Variants in ABTB2 observed in about 807,000 individuals in gnomAD.
ABTB2 encodes ankyrin repeat and BTB/POZ domain-containing protein 2.
ABTB2 carries 56 observed loss-of-function variants against 104.1 expected under a neutral mutation model. The observed-to-expected ratio is 0.54, with a 90% CI of 0.43 to 0.67. The LOEUF (loss-of-function observed/expected upper bound fraction) is 0.67, where lower values mean the gene tolerates loss of function less well. Ranked by LOEUF, ABTB2 falls within the 30% of genes least tolerant of loss-of-function variation. The probability of loss-of-function intolerance (pLI) is 0.00; values close to 1 mark genes in which losing one functional copy is unlikely to be tolerated. For missense variants in ABTB2, 1,279 were observed against 1,407.7 expected, an observed-to-expected ratio of 0.91 and a Z score of 1.46; for synonymous variants, 606 against 608.2, an observed-to-expected ratio of 1.00 and a Z score of 0.05.
chr11:34,327,225 G>A (rs572335545), intron 1 of ABTB2, among the ~76,000 whole-genome samples: 51 of 152,316 alleles, frequency 3.3e-4, no homozygotes, highest in African/African-American at 1.2e-3. Flanking sequence ...AAAACATTAC[G>A]CAAACGTATC....
At chr11:34,309,443 T>TAACCTC in intron 1 of ABTB2, among the ~76,000 whole-genome samples, 1 of 152,178 alleles carries the variant, frequency 6.6e-6, no homozygotes, top group Admixed American at 6.5e-5. Flanking sequence ...GGTCAGAGGT[T>TAACCTC]ATATCAAGAT....
intron 1 of ABTB2, among the ~76,000 whole-genome samples, chr11:34,304,820 C>A (rs150891341): frequency 1.3e-5 from 2 of 152,284 alleles, no homozygotes; most frequent in African/African-American, 2.4e-5. Flanking sequence ...GGCTCTTCAC[C>A]ACCCAAAAGC....
chr11:34,155,539 T>C (rs1369112266), intron 14 of ABTB2, among the ~76,000 whole-genome samples: 1 of 152,220 alleles, frequency 6.6e-6, no homozygotes, highest in African/African-American at 2.4e-5. Flanking sequence ...TCTGGCTGGC[T>C]GAAGAAACGG....
intron 1 of ABTB2, among the ~76,000 whole-genome samples, chr11:34,286,565 T>A (rs1854508453): frequency 6.6e-6 from 1 of 152,068 alleles, no homozygotes; most frequent in East Asian, 2.0e-4. Context: ...AGTGCTGGGA[T>A]TACAGGCATG....
At chr11:34,168,040 A>C in intron 5 of ABTB2, 48 bp from the exon 6 acceptor site, 7 of 1,571,708 alleles carry the variant, frequency 4.5e-6, no homozygotes, top group Middle Eastern at 1.7e-4. Flanking sequence ...ACAGAACACA[A>C]CACCATGTGC....
intron 1 of ABTB2, among the ~76,000 whole-genome samples, chr11:34,222,798 C>G (rs1176929393): frequency 6.6e-6 from 1 of 152,160 alleles, no homozygotes; most frequent in Non-Finnish European, 1.5e-5. Context: ...CCTTGCCTCC[C>G]TATGGGAAAA....
chr11:34,300,311 A>G (rs1189322191), intron 1 of ABTB2, among the ~76,000 whole-genome samples: 2 of 152,186 alleles, frequency 1.3e-5, no homozygotes, highest in Non-Finnish European at 2.9e-5. Flanking sequence ...ATCAGAATGA[A>G]ATGTTCTTGC....
At chr11:34,168,892 G>A (rs1852836121) in intron 5 of ABTB2, among the ~76,000 whole-genome samples, 1 of 152,236 alleles carries the variant, frequency 6.6e-6, no homozygotes, top group Non-Finnish European at 1.5e-5. Context: ...TCCACGGCTG[G>A]ATCCCAGCAA....
At chr11:34,184,257 T>C (rs1853066777) in intron 3 of ABTB2, among the ~76,000 whole-genome samples, 1 of 151,972 alleles carries the variant, frequency 6.6e-6, no homozygotes, top group South Asian at 2.1e-4. Context: ...AGGAAATAAT[T>C]CCCCAGTAAA....
intron 1 of ABTB2, among the ~76,000 whole-genome samples, chr11:34,237,514 T>C (rs561358704): frequency 1.2e-4 from 18 of 152,356 alleles, no homozygotes; most frequent in African/African-American, 4.1e-4. Context: ...TTTATGATTA[T>C]GATCAGAATA....
intron 1 of ABTB2, among the ~76,000 whole-genome samples, chr11:34,262,825 C>T (rs980237638): frequency 1.3e-5 from 2 of 152,226 alleles, no homozygotes; most frequent in African/African-American, 4.8e-5. Flanking sequence ...CGATTGTCAC[C>T]TGCAAACCCT....
rs1256757390 is a variant in ABTB2 at position 34,182,503 on chromosome 11, G to A, written c.1245-9196C>T. Reference sequence around the variant, plus strand: ...GGTGGGGCATTGGGTTCTCTGGGGGGGGGGGGAAATTCACTTTTCCTATTA... The same window carrying A: ...GGTGGGGCATTGGGTTCTCTGGGGGAGGGGGGAAATTCACTTTTCCTATTA... On this transcript the variant is annotated intron_variant, in intron 3 of 16. Transcript: ENST00000435224. 4.3e-5 allele frequency among the ~76,000 whole-genome samples: 6 copies of A among 139,772 alleles called. No homozygotes were observed. The East Asian group carries it at 7.9e-4, about 18-fold the overall frequency. The allele number at this position is 139,772 out of a possible 152,430, so 91.7% of individuals were successfully genotyped here.
intron 1 of ABTB2, among the ~76,000 whole-genome samples, chr11:34,253,965 C>T (rs748450512): frequency 1.8e-4 from 28 of 152,148 alleles, no homozygotes; most frequent in Non-Finnish European, 3.4e-4. Flanking sequence ...CCAGGTGGAC[C>T]GTGAGAGCAC....
intron 9 of ABTB2, 142 bp from the exon 10 acceptor site, chr11:34,162,947 G>C (rs1229185115): frequency 1.3e-6 from 1 of 774,862 alleles, no homozygotes; most frequent in African/African-American, 1.7e-5. Flanking sequence ...TCCTCCTCCA[G>C]GCAGGCCAGG....
intron 1 of ABTB2, among the ~76,000 whole-genome samples, chr11:34,309,159 T>C (rs902784555): frequency 6.6e-6 from 1 of 152,204 alleles, no homozygotes; most frequent in African/African-American, 2.4e-5. Flanking sequence ...CCTGGCAATG[T>C]GTTCACATGG....
Position 34,327,209 on chromosome 11 carries a change from T to C in ABTB2, c.883+29492A>G, listed in dbSNP as rs559219541. On this transcript the variant is annotated intron_variant, in intron 1 of 16. Coordinates refer to ENST00000435224, the MANE Select transcript of ABTB2 (RefSeq NM_145804.3). ...GATATAGGCTAGTTAAAATTAAATG[T>C]ATGGAAAAACATTACGCAAACGTAT... Among the ~76,000 whole-genome samples the C allele has an allele frequency of 4.6e-5, 7 of 152,328 alleles. No individual in the cohort carries two copies. The East Asian group carries it at 1.3e-3, about 29-fold the overall frequency.
At position 34,159,251 on chromosome 11, in the gene ABTB2, G is replaced by A. The variant is rs536898972; in HGVS notation, c.2697+45C>T. On this transcript the variant is annotated intron_variant, in intron 14 of 16. Transcript: ENST00000435224. ...CTGCCCACAAGGTGGGCTCCTGGGG[G>A]AGGGTCATCCCTCTGAGAAGAGGGC... 1.7e-5 allele frequency: 26 copies of A among 1,496,138 alleles called. No individual in the cohort carries two copies. In the East Asian group the frequency reaches 5.9e-4, roughly 34 times the overall value. 92.7% of individuals were successfully genotyped at this position (1,496,138 alleles called of 1,614,324 possible).
At chr11:34,258,140 T>G (rs1294859435) in intron 1 of ABTB2, among the ~76,000 whole-genome samples, 1 of 152,156 alleles carries the variant, frequency 6.6e-6, no homozygotes, top group East Asian at 1.9e-4. Context: ...GTTGTCCCCA[T>G]AGAAATCTCA....
intron 1 of ABTB2, among the ~76,000 whole-genome samples, chr11:34,308,891 AAGAG>A (rs1182940128): frequency 2.0e-5 from 3 of 150,564 alleles, no homozygotes; most frequent in Non-Finnish European, 4.4e-5. Context: ...AAAAAAAGAA[AAGAG>A]AAAGAAAGAA....
Sources: gnomAD v4.1 joint callset for allele counts (sites outside exome capture counted in the v4.1 genomes callset) on GRCh38, gnomAD v4.1.1 for gene constraint, MANE v1.5 for transcripts, NCBI Gene and HGNC (gene_info 2026-07-23, HGNC 2026-07-21) for gene names.